Variants in CHD6 observed in about 807,000 individuals in gnomAD.
CHD6 encodes the protein chromodomain helicase DNA binding protein 6, also known as ATP-dependent chromatin remodeler CHD6.
CHD6 carries 50 observed loss-of-function variants against 276.9 expected under a neutral mutation model. That is an observed-to-expected ratio of 0.18 (90% CI 0.14 to 0.23). The LOEUF (loss-of-function observed/expected upper bound fraction) is 0.23, where lower values mean the gene tolerates loss of function less well. Ranked by LOEUF, CHD6 falls within the 10% of genes least tolerant of loss-of-function variation. CHD6 has a pLI of 1.00. For synonymous variants in CHD6, 1,173 were observed against 1,229.3 expected (o/e 0.95, Z 0.96); for missense variants, 2,564 against 3,365.8 (o/e 0.76, Z 5.89).
chr20:41,503,729 G>A (rs886519381), intron 5 of CHD6, among the ~76,000 whole-genome samples: 15 of 151,846 alleles, frequency 9.9e-5, no homozygotes, highest in African/African-American at 3.6e-4. Context: ...TAGTTATATC[G>A]TCAAATGCTA....
At chr20:41,431,862 C>A (rs1363637691) in intron 27 of CHD6, among the ~76,000 whole-genome samples, 1 of 144,166 alleles carries the variant, frequency 6.9e-6, no homozygotes. Context: ...ACAAAAAAGG[C>A]CCTCAAAAAA....
At chr20:41,470,546 G>A (rs4812513) in intron 17 of CHD6, among the ~76,000 whole-genome samples, 66,358 of 151,946 alleles carry the variant, frequency 0.44, 16,789 homozygotes, top group East Asian at 0.7. Flanking sequence ...CAACACACTA[G>A]TAAAGTTCAC....
chr20:41,519,119 A>T (rs972221299), intron 3 of CHD6, among the ~76,000 whole-genome samples: 2 of 152,084 alleles, frequency 1.3e-5, no homozygotes, highest in Non-Finnish European at 2.9e-5. Context: ...CCGTCTCTAC[A>T]AAAAAATACA....
At chr20:41,419,945 T>C (rs1338647143) in intron 31 of CHD6, among the ~76,000 whole-genome samples, 15 of 152,220 alleles carry the variant, frequency 9.9e-5, no homozygotes, top group Admixed American at 9.2e-4. Flanking sequence ...ATCAGATCTA[T>C]TTTCTTCATT....
rs141703283 is a variant in CHD6, at chr20:41,596,052, C to T, written c.-24+22288G>A. Among the ~76,000 whole-genome samples the T allele has an allele frequency of 5.6e-3, 857 of 152,300 alleles. 8 individuals carry two copies. The highest frequency in any genetic ancestry group is 0.024 in the Middle Eastern group (7 of 294). ...CTTTAGACAACCTTCCCCCACCCAC[C>T]GCTCTGCCCCAAGCTGAACACTCAG... On this transcript the variant is annotated intron_variant, in intron 1 of 36. Transcript: ENST00000373233.
At chr20:41,550,877 T>C (rs1013077893) in intron 2 of CHD6, among the ~76,000 whole-genome samples, 1 of 152,178 alleles carries the variant, frequency 6.6e-6, no homozygotes, top group African/African-American at 2.4e-5. Flanking sequence ...TATTTCACTA[T>C]TCTCTCTAGG....
intron 31 of CHD6, 39 bp from the exon 32 acceptor site, chr20:41,417,388 T>C (rs1387481114): frequency 3.2e-6 from 5 of 1,575,850 alleles, no homozygotes; most frequent in African/African-American, 2.7e-5. Context: ...CACTTAACTA[T>C]AGTAGTGAGA....
intron 2 of CHD6, among the ~76,000 whole-genome samples, chr20:41,542,641 C>G (rs904157471): frequency 4.6e-5 from 7 of 151,664 alleles, no homozygotes; most frequent in African/African-American, 1.7e-4. Context: ...TGCAGGGAGC[C>G]GAGATCGCAC....
intron 1 of CHD6, among the ~76,000 whole-genome samples, chr20:41,593,779 T>C (rs1371993998): frequency 3.3e-5 from 5 of 152,084 alleles, no homozygotes; most frequent in African/African-American, 1.2e-4. Flanking sequence ...GATGTGGACA[T>C]AGATAAACAC....
rs750413850 is a variant in CHD6, at chr20:41,473,529, C to G, written c.2469-12G>C. The G allele has an allele frequency of 3.1e-6, 5 of 1,610,912 alleles. No homozygotes were observed. In the East Asian group the frequency reaches 1.1e-4, roughly 36 times the overall value. ...GCTCATAGGTGTATCTGAGGGGACC[C>G]AAATGAACGAAAGCCCAGGCGTTAA... is the stretch of plus-strand genomic sequence containing the variant. On this transcript the variant is annotated splice_polypyrimidine_tract_variant and intron_variant, in intron 16 of 36. Transcript: ENST00000373233. The surrounding 1 kb of genome is among the most constrained non-coding windows in gnomAD (Gnocchi z 4.1).
chr20:41,535,001 A>T (rs567516594), intron 2 of CHD6, among the ~76,000 whole-genome samples: 2 of 152,316 alleles, frequency 1.3e-5, no homozygotes, highest in South Asian at 2.1e-4. Context: ...CTGGCCCTCA[A>T]GGAACAAGTT....
At chr20:41,582,663 A>C (rs1314264110) in intron 1 of CHD6, among the ~76,000 whole-genome samples, 1 of 152,230 alleles carries the variant, frequency 6.6e-6, no homozygotes, top group African/African-American at 2.4e-5. Flanking sequence ...GAGCCAAACT[A>C]AGAAAGATGA....
In CHD6 at chr20:41,420,865, G is replaced by A. The variant is rs769873756; in HGVS notation, c.5770C>T (p.Pro1924Ser). Residue 1924 changes from proline to serine, a missense_variant, in exon 31 of 37, where the codon CCT becomes TCT. Physicochemically the swap from Pro to Ser is moderately conservative, Grantham distance 74 (BLOSUM62 -1). Coordinates refer to ENST00000373233, the MANE Select transcript of CHD6 (RefSeq NM_032221.5). ...KGSLEVANQT[P>S]GLQRAFPAPA... ...GCGGGGAAAGCCCTCTGTAGCCCAG[G>A]AGTCTGGTTTGCCACCTCTAAGCTT... The A allele has an allele frequency of 1.2e-5, 20 of 1,614,208 alleles. No individual in the cohort carries two copies. The East Asian group carries it at 4.5e-4, about 36-fold the overall frequency.
At chr20:41,480,590 G>A (rs926044940) in intron 16 of CHD6, among the ~76,000 whole-genome samples, 7 of 152,098 alleles carry the variant, frequency 4.6e-5, no homozygotes, top group African/African-American at 1.7e-4. Context: ...TATACATGAC[G>A]GTATGAGGAG....
chr20:41,524,126 C>G lies in CHD6; in HGVS notation c.554+8924G>C, dbSNP rs1268749571. Among the ~76,000 whole-genome samples, 5 of 152,266 alleles carry G rather than the reference C, an allele frequency of 3.3e-5. No homozygotes were observed. In the East Asian group the frequency reaches 9.6e-4, roughly 29 times the overall value. ...CAGAGAAGCTTCCAGCACTGACCTT[C>G]CTATAGGCTTTGATCTTCTTCCCAG... On this transcript the variant is annotated intron_variant, in intron 3 of 36. Coordinates refer to ENST00000373233, the MANE Select transcript of CHD6 (RefSeq NM_032221.5).
intron 34 of CHD6, chr20:41,414,113 G>C (rs547356445): frequency 6.6e-6 from 1 of 152,308 alleles, no homozygotes; most frequent in Admixed American, 6.5e-5. Flanking sequence ...TCTAAAAAAG[G>C]TAAAAGACTT....
chr20:41,410,396 T>C lies in CHD6; in HGVS notation c.7251+1748A>G, dbSNP rs866814227. ...CTGTCAGTGCCTTGACCTTGGACATTTGGGTCTCCAGAACTGTGAGAAATA... is the reference window on the plus strand; with the variant it reads ...CTGTCAGTGCCTTGACCTTGGACATCTGGGTCTCCAGAACTGTGAGAAATA... On this transcript the variant is annotated intron_variant, in intron 36 of 36. Transcript: ENST00000373233. 9.2e-5 allele frequency among the ~76,000 whole-genome samples: 14 copies of C among 152,128 alleles called. No individual in the cohort carries two copies. The South Asian group carries it at 1.7e-3, about 18-fold the overall frequency.
In CHD6 at chr20:41,533,498, A is replaced by G. The variant is rs766190460; in HGVS notation, c.106T>C (p.Ser36Pro). 2 of 1,613,878 alleles carry G rather than the reference A, an allele frequency of 1.2e-6. No homozygotes were observed. Among genetic ancestry groups the G allele is most frequent in the East Asian group, 4.5e-5 (2 of 44,868 alleles). Residue 36 changes from serine to proline, a missense_variant, in exon 3 of 37, where the codon TCC becomes CCC. Coordinates refer to ENST00000373233, the MANE Select transcript of CHD6 (RefSeq NM_032221.5). The stretch of plus-strand genomic sequence containing the variant: ...TGATCAGTGCTGCAGTCAAATGGGG[A>G]TGGAGATTTGTAGTCAAAATTGACA... The part of the protein sequence containing the change: ...ASVNFDYKSP[S>P]PFDCSTDQEE...
At position 41,432,755 on chromosome 20, in the gene CHD6, C is replaced by T. The variant is rs2047585171; in HGVS notation, c.4068+4519G>A. Among the ~76,000 whole-genome samples, 6 of 151,966 alleles carry T rather than the reference C, an allele frequency of 3.9e-5. No homozygotes were observed. In the South Asian group the frequency reaches 1.0e-3, roughly 26 times the overall value. On this transcript the variant is annotated intron_variant, in intron 27 of 36. Coordinates refer to ENST00000373233, the MANE Select transcript of CHD6 (RefSeq NM_032221.5). ...CTGAATGAAAAAAAGACAAAAGTGG[C>T]CAATGCTGAGAGGAAAGATCTTAGA...
Sources: allele counts gnomAD v4.1 joint callset (sites outside exome capture counted in the v4.1 genomes callset), GRCh38; gene constraint gnomAD v4.1.1; non-coding constraint Gnocchi (gnomAD v3.1); transcripts MANE v1.5; gene names NCBI Gene and HGNC (gene_info 2026-07-23, HGNC 2026-07-21).